MARK3: variants seen among roughly 807,000 people sequenced by gnomAD.
The protein encoded by MARK3 is microtubule affinity regulating kinase 3, also known as MAP/microtubule affinity-regulating kinase 3.
In MARK3, 46 loss-of-function variants were observed where a neutral mutation model predicts 90.1. The observed-to-expected ratio is 0.51, with a 90% CI of 0.40 to 0.65. The LOEUF is 0.65. Ranked by LOEUF, MARK3 falls within the 30% of genes least tolerant of loss-of-function variation. The pLI, the probability that MARK3 is intolerant of heterozygous loss-of-function variation, is 0.00. For missense variants in MARK3, 818 were observed against 947.2 expected (o/e 0.86, Z 1.79); for synonymous variants, 321 against 332.6 (o/e 0.97, Z 0.38).
At chr14:103,424,337 A>G (rs7144271) in intron 2 of MARK3, among the ~76,000 whole-genome samples, 93,742 of 151,494 alleles carry the variant, frequency 0.62, 30,141 homozygotes, top group Middle Eastern at 0.75. Context: ...GTTTGAGACC[A>G]GCCTGGGTAA....
At chr14:103,480,936 A>G (rs577304697) in intron 14 of MARK3, among the ~76,000 whole-genome samples, 3 of 152,388 alleles carry the variant, frequency 2.0e-5, no homozygotes, top group Admixed American at 6.5e-5. Flanking sequence ...CAAAGGGTCC[A>G]GATGGCTGAG....
At chr14:103,474,095 C>T (rs189738608) in intron 12 of MARK3, among the ~76,000 whole-genome samples, 145 of 151,518 alleles carry the variant, frequency 9.6e-4, no homozygotes, top group Admixed American at 1.4e-3. Context: ...GTTTCAGCTA[C>T]TCCGGAGGCT....
chr14:103,445,436 CA>C (rs1283676254), intron 3 of MARK3, among the ~76,000 whole-genome samples: 2 of 152,160 alleles, frequency 1.3e-5, no homozygotes, highest in African/African-American at 4.8e-5. Flanking sequence ...CTACCTAATA[CA>C]TAATTCCAAT....
rs548744767 is a variant in MARK3 at position 103,475,226 on chromosome 14, C to G, written c.1482+16C>G. 1.2e-6 allele frequency: 2 copies of G among 1,609,776 alleles called. No individual in the cohort carries two copies. The highest frequency in any genetic ancestry group is 2.7e-5 in the African/African-American group (2 of 74,934). On this transcript the variant is annotated intron_variant, in intron 13 of 17. Transcript: ENST00000429436. ...TGTCCCTAGTGTAAGTGTTGTTGAA[C>G]TATAGAGTGGTCTTAGGGTGGTAGG...
At position 103,450,921 on chromosome 14, in the gene MARK3, C is replaced by CTT. The variant is rs869030067; in HGVS notation, c.347-971_347-970dup. Among the ~76,000 whole-genome samples, 271 of 52,634 alleles carry CTT rather than the reference C, an allele frequency of 5.1e-3. 43 individuals carry two copies. Among genetic ancestry groups the CTT allele is most frequent in the South Asian group, 0.013 (13 of 1,020 alleles). 34.5% of individuals were successfully genotyped at this position (52,634 alleles called of 152,430 possible). A position where few individuals can be genotyped will look rare whatever the true frequency, so the allele number is the denominator to read the frequency against. On this transcript the variant is annotated intron_variant, in intron 4 of 17. Transcript: ENST00000429436. ...GTGTGTGTGTGTGTGTGTGTGTATT[C>CTT]TTTTTTTTTTTTTTTTTTTTTTTTT...
chr14:103,408,189 G>C (rs1024796203), intron 2 of MARK3, among the ~76,000 whole-genome samples: 1 of 151,736 alleles, frequency 6.6e-6, no homozygotes, highest in Admixed American at 6.6e-5. Flanking sequence ...GTTTTTTGGC[G>C]GGGGGGAGGT....
At chr14:103,393,015 C>T (rs1383803957) in intron 1 of MARK3, among the ~76,000 whole-genome samples, 3 of 151,778 alleles carry the variant, frequency 2.0e-5, no homozygotes, top group Non-Finnish European at 4.4e-5. Context: ...CAGAGTTTCA[C>T]TCTTGTTGCC....
intron 2 of MARK3, among the ~76,000 whole-genome samples, chr14:103,415,162 A>C (rs1190632918): frequency 6.6e-6 from 1 of 150,634 alleles, no homozygotes; most frequent in African/African-American, 2.4e-5. Flanking sequence ...AAAAAAAAAA[A>C]AAAAAAAAAA....
At chr14:103,461,557 GA>G (rs2093401637) in intron 6 of MARK3, among the ~76,000 whole-genome samples, 1 of 152,166 alleles carries the variant, frequency 6.6e-6, no homozygotes, top group Non-Finnish European at 1.5e-5. Flanking sequence ...AAAGGAAGAG[GA>G]AACTGACCCT....
intron 1 of MARK3, among the ~76,000 whole-genome samples, chr14:103,389,542 A>AAAAAAAAAAAAAAAAAAC (rs2090074199): frequency 2.1e-5 from 3 of 146,222 alleles, no homozygotes; most frequent in Non-Finnish European, 3.0e-5. Flanking sequence ...AAAAAAAAAA[A>AAAAAAAAAAAAAAAAAAC]AAAAAAGCAG....
chr14:103,466,343 CA>C lies in MARK3; in HGVS notation c.901del (p.Ile301SerfsTer2). Reference sequence around the variant, plus strand: ...CTAATGAACAGTTTACCTTTTTTAGCAAATCATGAAGGACAGGTGGATCAAT... The same window carrying C: ...CTAATGAACAGTTTACCTTTTTTAGCAATCATGAAGGACAGGTGGATCAAT... Reference protein sequence around the residue: ...LNPIKRGTLEQIMKDRWINAG... With the variant: ...LNPIKRGTLEXIMKDRWINAG... On this transcript the variant is annotated frameshift_variant and splice_region_variant, in exon 10 of 18. Transcript: ENST00000429436. LOFTEE classifies it high-confidence loss of function. 6.2e-7 allele frequency: 1 copy of C among 1,604,182 alleles called. No homozygotes were observed. The highest frequency in any genetic ancestry group is 8.5e-7 in the Non-Finnish European group (1 of 1,173,920).
chr14:103,468,319 T>C (rs1281981157), intron 12 of MARK3, 133 bp downstream of exon 12: 7,132 of 330,110 alleles, frequency 0.022, 757 homozygotes, highest in South Asian at 0.027. Context: ...TTCTTCTTTT[T>C]TTTTTTTTTT....
rs900984986 is a variant in MARK3 at position 103,391,314 on chromosome 14, G to A, written c.51+5234G>A. ...ATGTACTCAACAGCGCAGCTCAGTG[G>A]CCAATCTTATTTCATTTATAAATGA... On this transcript the variant is annotated intron_variant, in intron 1 of 17. Transcript: ENST00000429436. 8.5e-5 allele frequency among the ~76,000 whole-genome samples: 13 copies of A among 152,216 alleles called. No individual in the cohort carries two copies. The East Asian group carries it at 2.5e-3, about 29-fold the overall frequency.
chr14:103,460,198 G>T (rs1195261633), intron 6 of MARK3, among the ~76,000 whole-genome samples: 1 of 140,130 alleles, frequency 7.1e-6, no homozygotes, highest in Non-Finnish European at 1.5e-5. Context: ...CCATTCTTCT[G>T]CCTCAGCCTC....
intron 2 of MARK3, among the ~76,000 whole-genome samples, chr14:103,423,220 C>G (rs968229940): frequency 8.0e-5 from 2 of 25,110 alleles, no homozygotes; most frequent in Non-Finnish European, 1.4e-4. Context: ...TTTTTGCCTC[C>G]TCTTTTACTG....
chr14:103,435,204 A>G (rs184280901), intron 3 of MARK3, among the ~76,000 whole-genome samples: 1 of 151,926 alleles, frequency 6.6e-6, no homozygotes, highest in East Asian at 1.9e-4. Context: ...GTACTTTTCA[A>G]CCCTTCTTGT....
chr14:103,496,403 A>G (rs1020346194), intron 15 of MARK3, among the ~76,000 whole-genome samples: 5 of 146,834 alleles, frequency 3.4e-5, no homozygotes, highest in African/African-American at 1.0e-4. Context: ...CAACATAATG[A>G]GACCCCATCT....
At position 103,503,444 on chromosome 14, in the gene MARK3, C is replaced by G. The variant is rs543707643; in HGVS notation, c.*217C>G. ...ACCTATGCGCCCCCTGCCCTACTTC[C>G]GTTACCCTGAGAGTCGGTGTGTGGC... is the stretch of plus-strand genomic sequence containing the variant. On this transcript the variant is annotated 3_prime_UTR_variant, in exon 18 of 18. Coordinates refer to ENST00000429436, the MANE Select transcript of MARK3 (RefSeq NM_001128918.3). The G allele has an allele frequency of 1.8e-6, 1 of 553,798 alleles. No individual in the cohort carries two copies. The highest frequency in any genetic ancestry group is 2.3e-5 in the South Asian group (1 of 43,706). The allele number at this position is 553,798 out of a possible 1,614,324, so 34.3% of individuals were successfully genotyped here. A position where few individuals can be genotyped will look rare whatever the true frequency, so the allele number is the denominator to read the frequency against.
At chr14:103,493,960 C>T (rs982058489) in intron 15 of MARK3, among the ~76,000 whole-genome samples, 3 of 149,792 alleles carry the variant, frequency 2.0e-5, no homozygotes, top group East Asian at 4.0e-4. Flanking sequence ...TGGGCTGGGC[C>T]GGATGGCTCA....
Sources: allele counts gnomAD v4.1 joint callset (sites outside exome capture counted in the v4.1 genomes callset), GRCh38; gene constraint gnomAD v4.1.1; transcripts MANE v1.5; gene names NCBI Gene and HGNC (gene_info 2026-07-23, HGNC 2026-07-21).